MSRA: variants seen among roughly 807,000 people sequenced by gnomAD.
MSRA encodes the protein methionine sulfoxide reductase A.
MSRA carries 54 observed loss-of-function variants against 31.3 expected under a neutral mutation model. The observed-to-expected ratio is 1.73, with a 90% CI of 1.39 to 2.17. MSRA has a LOEUF of 2.17. Ranked by LOEUF, MSRA falls within the 30% of genes most tolerant of loss-of-function variation. MSRA has a pLI of 0.00. For missense variants in MSRA, 507 were observed against 300.9 expected (o/e 1.69, Z -5.07); for synonymous variants, 169 against 116.5 (o/e 1.45, Z -2.90).
At chr8:10,190,607 C>T (rs990004178) in intron 1 of MSRA, among the ~76,000 whole-genome samples, 7 of 152,218 alleles carry the variant, frequency 4.6e-5, no homozygotes, top group African/African-American at 1.7e-4. Context: ...CACTTTCTGT[C>T]AGTCCGTGTT....
intron 2 of MSRA, among the ~76,000 whole-genome samples, chr8:10,224,867 A>G (rs114964723): frequency 0.023 from 3,559 of 152,204 alleles, 96 homozygotes; most frequent in African/African-American, 0.057. Flanking sequence ...CACTACTACT[A>G]GGGCCGGGCG....
At chr8:10,336,782 G>A (rs1803073841) in intron 5 of MSRA, 1 of 152,072 alleles carries the variant, frequency 6.6e-6, no homozygotes, top group Non-Finnish European at 1.5e-5. Flanking sequence ...GCTTGGAATC[G>A]GTGAATTTCT....
At chr8:10,165,635 T>A (rs191988200) in intron 1 of MSRA, among the ~76,000 whole-genome samples, 13 of 152,222 alleles carry the variant, frequency 8.5e-5, no homozygotes, top group Admixed American at 3.3e-4. Context: ...AGCCATGATA[T>A]CTCTGTAGAC....
chr8:10,105,689 T>C (rs1425800221), intron 1 of MSRA, among the ~76,000 whole-genome samples: 1 of 152,194 alleles, frequency 6.6e-6, no homozygotes, highest in African/African-American at 2.4e-5. Context: ...CTCCTTCCCC[T>C]AACCAGTAGT....
At chr8:10,289,817 A>T (rs865964127) in intron 3 of MSRA, among the ~76,000 whole-genome samples, 3 of 152,164 alleles carry the variant, frequency 2.0e-5, no homozygotes. Context: ...AGAGCCGTCC[A>T]TGTTGTTCTG....
intron 5 of MSRA, among the ~76,000 whole-genome samples, chr8:10,364,872 G>A (rs892581673): frequency 2.0e-5 from 3 of 152,058 alleles, no homozygotes; most frequent in African/African-American, 4.8e-5. Context: ...CATGTGCGTG[G>A]GTCTTTCCCT....
chr8:10,082,926 A>G (rs1434720849), intron 1 of MSRA, among the ~76,000 whole-genome samples: 1 of 152,244 alleles, frequency 6.6e-6, no homozygotes, highest in Non-Finnish European at 1.5e-5. Flanking sequence ...CTAATGGATG[A>G]TTAGAAAAGT....
chr8:10,258,205 A>T (rs1219596715), intron 3 of MSRA, among the ~76,000 whole-genome samples: 3 of 152,206 alleles, frequency 2.0e-5, no homozygotes, highest in Non-Finnish European at 4.4e-5. Context: ...GAATGGACGC[A>T]GGGACAGTCT....
intron 3 of MSRA, among the ~76,000 whole-genome samples, chr8:10,270,881 G>A (rs141694432): frequency 0.016 from 2,420 of 152,230 alleles, 56 homozygotes; most frequent in Non-Finnish European, 0.019. Flanking sequence ...AGAGGCACCC[G>A]GACACAATGG....
intron 4 of MSRA, among the ~76,000 whole-genome samples, chr8:10,309,252 G>C (rs150182870): frequency 2.0e-4 from 31 of 152,378 alleles, no homozygotes; most frequent in Non-Finnish European, 3.7e-4. Context: ...GAACTAGTGA[G>C]TGAACCTCTG....
chr8:10,277,896 A>G (rs1563300338), intron 3 of MSRA, among the ~76,000 whole-genome samples: 1 of 152,214 alleles, frequency 6.6e-6, no homozygotes, highest in Admixed American at 6.5e-5. Context: ...TTTATCAATA[A>G]AAACAAATTA....
intron 5 of MSRA, among the ~76,000 whole-genome samples, chr8:10,354,750 GTATATATA>G (rs754778002): frequency 1.0e-4 from 14 of 138,398 alleles, no homozygotes; most frequent in African/African-American, 3.0e-4. Flanking sequence ...GTGTGTGTGT[GTATATATA>G]TATATATATA....
At chr8:10,153,187 A>G (rs770354651) in intron 1 of MSRA, among the ~76,000 whole-genome samples, 4 of 152,186 alleles carry the variant, frequency 2.6e-5, no homozygotes, top group Non-Finnish European at 4.4e-5. Context: ...ACAAAAGTGG[A>G]ATGAGTGAAG....
intron 1 of MSRA, among the ~76,000 whole-genome samples, chr8:10,064,722 T>C (rs1797371880): frequency 2.6e-5 from 4 of 152,152 alleles, no homozygotes; most frequent in African/African-American, 9.7e-5. Flanking sequence ...TTAAAAAAAT[T>C]AGTTTACCAT....
intron 3 of MSRA, among the ~76,000 whole-genome samples, chr8:10,288,263 A>G (rs916423741): frequency 1.3e-5 from 2 of 152,002 alleles, no homozygotes; most frequent in African/African-American, 2.4e-5. Flanking sequence ...ATTTAATACC[A>G]CAGATATACT....
chr8:10,373,705 C>G (rs1007249823), intron 5 of MSRA, among the ~76,000 whole-genome samples: 2 of 152,192 alleles, frequency 1.3e-5, no homozygotes, highest in African/African-American at 4.8e-5. Flanking sequence ...GGGGGCAACA[C>G]CAGGAGTGAG....
At chr8:10,288,467 G>A (rs1300663406) in intron 3 of MSRA, among the ~76,000 whole-genome samples, 1 of 152,126 alleles carries the variant, frequency 6.6e-6, no homozygotes, top group Non-Finnish European at 1.5e-5. Context: ...GTACATAGTC[G>A]ATTATAAAGT....
rs548051647 is a variant in MSRA, at chr8:10,321,475, C to T, written c.543+1486C>T. ...ACAGAGCCCATTCCTTCCTTGGCCCCTCCCACCTCCCTCCCAGGGTGATGT... is the reference window on the plus strand; with the variant it reads ...ACAGAGCCCATTCCTTCCTTGGCCCTTCCCACCTCCCTCCCAGGGTGATGT... On this transcript the variant is annotated intron_variant, in intron 5 of 5. Coordinates refer to ENST00000317173, the MANE Select transcript of MSRA (RefSeq NM_012331.5). Among the ~76,000 whole-genome samples the T allele has an allele frequency of 3.3e-5, 5 of 152,202 alleles. No homozygotes were observed. The South Asian group carries it at 1.0e-3, about 32-fold the overall frequency.
chr8:10,368,409 C>T (rs938952533), intron 5 of MSRA, among the ~76,000 whole-genome samples: 5 of 152,202 alleles, frequency 3.3e-5, no homozygotes, highest in African/African-American at 9.6e-5. Flanking sequence ...AGATGTCTTC[C>T]TTTGCAAAAT....
Sources: allele counts gnomAD v4.1 joint callset (sites outside exome capture counted in the v4.1 genomes callset), GRCh38; gene constraint gnomAD v4.1.1; transcripts MANE v1.5; gene names NCBI Gene and HGNC (gene_info 2026-07-23, HGNC 2026-07-21).